ADCY9: variants seen among roughly 807,000 people sequenced by gnomAD.
ADCY9 encodes adenylate cyclase 9, also known as adenylate cyclase type 9.
ADCY9 carries 50 observed loss-of-function variants against 101.5 expected under a neutral mutation model. The observed-to-expected ratio is 0.49, with a 90% CI of 0.39 to 0.62. The LOEUF (loss-of-function observed/expected upper bound fraction) is 0.62. ADCY9 is among the 20% of genes least tolerant of loss of function. ADCY9 has a pLI of 0.00. For synonymous variants in ADCY9, 905 were observed against 769.3 expected, an observed-to-expected ratio of 1.18 and a Z score of -2.92; for missense variants, 1,662 against 1,800.4, an observed-to-expected ratio of 0.92 and a Z score of 1.39.
At chr16:4,029,310 A>G (rs2056538819) in intron 2 of ADCY9, among the ~76,000 whole-genome samples, 1 of 152,230 alleles carries the variant, frequency 6.6e-6, no homozygotes. Flanking sequence ...AGGCTGAACC[A>G]TATGCCAATT....
rs3222326 is a variant in ADCY9, at chr16:4,001,008, C to CACAT, written c.1884+6359_1884+6360insATGT. 5.7e-3 allele frequency among the ~76,000 whole-genome samples: 779 copies of CACAT among 135,668 alleles called. 3 individuals carry two copies. The highest frequency in any genetic ancestry group is 7.4e-3 in the Middle Eastern group (2 of 270). 89.0% of individuals were successfully genotyped at this position (135,668 alleles called of 152,430 possible). A position where few individuals can be genotyped will look rare whatever the true frequency, so the allele number is the denominator to read the frequency against. ...ACACACACACACACACACACACACA[C>CACAT]ATATATAATTTCTTACTTTGAAATA... On this transcript the variant is annotated intron_variant, in intron 3 of 10. Transcript: ENST00000294016.
Position 3,974,632 on chromosome 16 carries a change from C to T in ADCY9, c.2870+37G>A, listed in dbSNP as rs762414680. On this transcript the variant is annotated intron_variant, in intron 10 of 10. Coordinates refer to ENST00000294016, the MANE Select transcript of ADCY9 (RefSeq NM_001116.4). ...ATGGGCAGGGTAATACAGTCACTCT[C>T]GTTTATTCAGACAGAAGTGCAATAT... 2.5e-6 allele frequency: 4 copies of T among 1,582,538 alleles called. No homozygotes were observed. The South Asian group carries it at 4.4e-5, about 18-fold the overall frequency.
In ADCY9 at chr16:4,114,040, C is replaced by T; in HGVS notation, c.1403G>A (p.Gly468Asp). 6.2e-7 allele frequency: 1 copy of T among 1,613,842 alleles called. No homozygotes were observed. Among genetic ancestry groups the T allele is most frequent in the South Asian group, 1.1e-5 (1 of 91,078 alleles). ...HAYCCIEMGL[G>D]MIKAIEQFCQ... ...GAACTGCTCGATGGCCTTGATCATG[C>T]CCAGGCCCATCTCGATGCAGCAGTA... Residue 468 changes from glycine to aspartate, a missense_variant, in exon 2 of 11, where the codon GGC (glycine) becomes GAC (aspartate). Transcript: ENST00000294016. This position sits in a 1 kb window ranked among gnomAD's most constrained non-coding sequence, Gnocchi z 4.3.
At chr16:3,955,485 C>T (rs2055902067) in intron 5 of ADCY9, among the ~76,000 whole-genome samples, 2 of 152,232 alleles carry the variant, frequency 1.3e-5, no homozygotes, top group South Asian at 2.1e-4. Context: ...ACCCAGTCTC[C>T]AGGCATCAGG....
intron 2 of ADCY9, among the ~76,000 whole-genome samples, chr16:4,010,570 G>C (rs1158376228): frequency 2.0e-5 from 3 of 152,176 alleles, no homozygotes; most frequent in African/African-American, 4.8e-5. Context: ...GTGCAGGGAC[G>C]ATGTGTGACT....
chr16:4,099,914 C>T (rs546143147), intron 2 of ADCY9, among the ~76,000 whole-genome samples: 6 of 152,226 alleles, frequency 3.9e-5, no homozygotes, highest in Admixed American at 3.3e-4. Flanking sequence ...ATCAGCTGGG[C>T]GTGGTGGTGC....
At chr16:4,040,249 G>C (rs1478115138) in intron 2 of ADCY9, among the ~76,000 whole-genome samples, 1 of 152,132 alleles carries the variant, frequency 6.6e-6, no homozygotes, top group Non-Finnish European at 1.5e-5. Context: ...TTCAGGTGTA[G>C]GGACATTACA....
At chr16:3,970,158 C>T (rs1023937952) in intron 10 of ADCY9, among the ~76,000 whole-genome samples, 4 of 151,952 alleles carry the variant, frequency 2.6e-5, no homozygotes, top group African/African-American at 4.8e-5. Flanking sequence ...ATGCGACTGG[C>T]GGATCCACAG....
chr16:3,966,432 C>T lies in ADCY9; in HGVS notation c.3405G>A (p.Leu1135=), dbSNP rs148534347. The change falls in exon 11 of 11, where the codon CTG becomes CTA. Residue 1135 remains leucine (L), a synonymous_variant. Coordinates refer to ENST00000294016, the MANE Select transcript of ADCY9 (RefSeq NM_001116.4). ...CCTTGGCGAACTCGAACAGGATCTG[C>T]AGGTGCTCCTGCGGGTGGCTGCCGT... The part of the protein sequence containing the change: ...AQDGSHPQEH[L]QILFEFAKEM... The T allele has an allele frequency of 2.2e-5, 35 of 1,614,174 alleles. No homozygotes were observed. In the African/African-American group the frequency reaches 4.3e-4, roughly 20 times the overall value.
At chr16:4,096,240 A>G (rs901935479) in intron 2 of ADCY9, among the ~76,000 whole-genome samples, 2 of 152,204 alleles carry the variant, frequency 1.3e-5, no homozygotes, top group East Asian at 3.8e-4. Context: ...AGGACAAAGA[A>G]AAAAACACTT....
chr16:4,107,962 C>A (rs1178635974), intron 2 of ADCY9, among the ~76,000 whole-genome samples: 1 of 152,180 alleles, frequency 6.6e-6, no homozygotes, highest in Non-Finnish European at 1.5e-5. Flanking sequence ...CAAATGCATA[C>A]CAGCGGGTCT....
At chr16:3,955,848 C>T (rs1424218672) in intron 5 of ADCY9, among the ~76,000 whole-genome samples, 1 of 148,124 alleles carries the variant, frequency 6.8e-6, no homozygotes, top group Non-Finnish European at 1.5e-5. Flanking sequence ...CACACCTGGC[C>T]AAAATTTAGG....
intron 2 of ADCY9, among the ~76,000 whole-genome samples, chr16:4,066,812 A>G (rs1419368182): frequency 6.6e-6 from 1 of 152,196 alleles, no homozygotes; most frequent in Non-Finnish European, 1.5e-5. Flanking sequence ...GCTTTAAAAG[A>G]TTCCCGCTTG....
chr16:3,998,728 A>AAAG (rs2056307163), intron 3 of ADCY9, among the ~76,000 whole-genome samples: 1 of 129,840 alleles, frequency 7.7e-6, no homozygotes, highest in African/African-American at 2.7e-5. Context: ...AAAAAAAAAA[A>AAAG]AAAAAAAGAA....
chr16:3,996,842 C>G (rs1335603155), intron 3 of ADCY9, among the ~76,000 whole-genome samples: 2 of 152,076 alleles, frequency 1.3e-5, no homozygotes, highest in Non-Finnish European at 2.9e-5. Flanking sequence ...TCAAGTTCAT[C>G]TGCTGTGCTT....
intron 5 of ADCY9, among the ~76,000 whole-genome samples, chr16:3,989,437 G>A (rs2056226075): frequency 1.3e-5 from 2 of 151,836 alleles, no homozygotes; most frequent in East Asian, 1.9e-4. Flanking sequence ...GTGCAATGGC[G>A]CAGCGATCTT....
At chr16:4,081,787 C>T (rs1407613478) in intron 2 of ADCY9, among the ~76,000 whole-genome samples, 1 of 121,898 alleles carries the variant, frequency 8.2e-6, no homozygotes, top group Non-Finnish European at 1.7e-5. Context: ...GCTGTGTCTG[C>T]AGGGGCGTGT....
Position 4,074,716 on chromosome 16 carries a change from C to CA in ADCY9, c.1693+39033dup, listed in dbSNP as rs55742993. Among the ~76,000 whole-genome samples the CA allele has an allele frequency of 5.9e-3, 592 of 100,380 alleles. 11 individuals are homozygous for CA. Among genetic ancestry groups the CA allele is most frequent in the South Asian group, 0.026 (74 of 2,890 alleles). 65.9% of individuals were successfully genotyped at this position (100,380 alleles called of 152,430 possible). ...TGGATGACAGGGCAATACCCAGTGG[C>CA]AAAAAAAAAAAAAAATAGAAAACAC... On this transcript the variant is annotated intron_variant, in intron 2 of 10. Transcript: ENST00000294016.
At chr16:4,061,927 A>G (rs2056775880) in intron 2 of ADCY9, among the ~76,000 whole-genome samples, 1 of 152,256 alleles carries the variant, frequency 6.6e-6, no homozygotes, top group Non-Finnish European at 1.5e-5. Context: ...AAGATATCAT[A>G]TACATGACAT....
Sources: gnomAD v4.1 joint callset for allele counts (sites outside exome capture counted in the v4.1 genomes callset) on GRCh38, gnomAD v4.1.1 for gene constraint, Gnocchi (gnomAD v3.1) non-coding constraint, MANE v1.5 for transcripts, NCBI Gene and HGNC (gene_info 2026-07-23, HGNC 2026-07-21) for gene names.